ACVR2A: variants seen among roughly 807,000 people sequenced by gnomAD.
The protein encoded by ACVR2A is activin receptor type-2A.
In ACVR2A, 7 loss-of-function variants were observed where a neutral mutation model predicts 61.4. The observed-to-expected ratio is 0.11, with a 90% CI of 0.06 to 0.21. ACVR2A has a LOEUF of 0.21. Ranked by LOEUF, ACVR2A falls within the 10% of genes least tolerant of loss-of-function variation. The pLI is 1.00. For synonymous variants in ACVR2A, 193 were observed against 208.3 expected, an observed-to-expected ratio of 0.93 and a Z score of 0.63; for missense variants, 322 against 621.7, an observed-to-expected ratio of 0.52 and a Z score of 5.13.
chr2:147,895,471 C>G (rs747340396), intron 1 of ACVR2A, among the ~76,000 whole-genome samples: 1 of 152,044 alleles, frequency 6.6e-6, no homozygotes, highest in Non-Finnish European at 1.5e-5. Context: ...AGTGCAATGC[C>G]GTGAACCTTG....
rs910994899 is a variant in ACVR2A, at chr2:147,899,444, CT to C, written c.264-13del. 1.9e-6 allele frequency: 3 copies of C among 1,563,542 alleles called. No homozygotes were observed. Among genetic ancestry groups the C allele is most frequent in the Non-Finnish European group, 2.6e-6 (3 of 1,148,234 alleles). ...AATATTGATTTTAATTATTTTTTCTCTGCTTATTTATAGGACTGATTGTGTA... is the reference window on the plus strand; with the variant it reads ...AATATTGATTTTAATTATTTTTTCTCGCTTATTTATAGGACTGATTGTGTA... On this transcript the variant is annotated splice_polypyrimidine_tract_variant and intron_variant, in intron 2 of 10. Transcript: ENST00000241416.
chr2:147,854,584 C>T (rs1685522599), intron 1 of ACVR2A, among the ~76,000 whole-genome samples: 2 of 152,118 alleles, frequency 1.3e-5, no homozygotes, highest in South Asian at 4.1e-4. Context: ...TGACCTTTGA[C>T]AGCCATTAAG....
intron 1 of ACVR2A, among the ~76,000 whole-genome samples, chr2:147,889,261 CTG>C (rs1459357695): frequency 2.0e-5 from 3 of 151,970 alleles, no homozygotes; most frequent in Non-Finnish European, 4.4e-5. Flanking sequence ...AGATACCGGT[CTG>C]TGTTTTTCTT....
chr2:147,920,137 A>C (rs1052697683), intron 7 of ACVR2A, 93 bp from the exon 8 acceptor site: 2 of 762,662 alleles, frequency 2.6e-6, no homozygotes, highest in East Asian at 5.2e-5. Flanking sequence ...CTATTTTTTC[A>C]TAGTGTACAT....
intron 1 of ACVR2A, among the ~76,000 whole-genome samples, chr2:147,886,582 A>T (rs1391676049): frequency 6.6e-6 from 1 of 152,244 alleles, no homozygotes; most frequent in African/African-American, 2.4e-5. Context: ...TCTTAATCAG[A>T]AAAAAGTGTA....
intron 1 of ACVR2A, 106 bp downstream of exon 1, chr2:147,845,313 A>C: frequency 1.5e-6 from 1 of 673,918 alleles, no homozygotes. Flanking sequence ...GAGCCTGGGG[A>C]GGTTGCCCAC....
chr2:147,922,092 AT>A (rs3835753), intron 8 of ACVR2A, among the ~76,000 whole-genome samples: 58,780 of 151,838 alleles, frequency 0.39, 11,859 homozygotes, highest in South Asian at 0.5. Context: ...TTAGGGAAAC[AT>A]TCACTGATAG....
chr2:147,875,504 G>T (rs1208001506), intron 1 of ACVR2A, among the ~76,000 whole-genome samples: 15 of 151,916 alleles, frequency 9.9e-5, no homozygotes, highest in African/African-American at 3.6e-4. Context: ...TAAAAAAACT[G>T]CTTATTAAAA....
chr2:147,865,260 TC>T (rs1295562360), intron 1 of ACVR2A, among the ~76,000 whole-genome samples: 35 of 152,212 alleles, frequency 2.3e-4, no homozygotes, highest in Admixed American at 2.3e-3. Flanking sequence ...CCTCTCACCG[TC>T]CAGTTTCTTC....
At chr2:147,912,691 T>C (rs1687147772) in intron 4 of ACVR2A, among the ~76,000 whole-genome samples, 2 of 151,968 alleles carry the variant, frequency 1.3e-5, no homozygotes, top group African/African-American at 4.8e-5. Flanking sequence ...TTCATTCTAG[T>C]AATTTTTTAT....
chr2:147,925,641 A>G (rs566272117), intron 9 of ACVR2A: 74 of 158,506 alleles, frequency 4.7e-4, no homozygotes, highest in Non-Finnish European at 8.7e-4. Context: ...TAGAGCCTCC[A>G]GAGCTGGAAG....
chr2:147,915,393 C>A lies in ACVR2A; in HGVS notation c.672+59C>A, dbSNP rs528326113. 1.0e-4 allele frequency: 159 copies of A among 1,593,914 alleles called. No homozygotes were observed. In the African/African-American group the frequency reaches 1.9e-3, roughly 20 times the overall value. ...ATGTTTTATGGCTAGGTCATCATAA[C>A]TCAGAAATAGTCTCAAAACAGAAGC... is the stretch of plus-strand genomic sequence containing the variant. On this transcript the variant is annotated intron_variant, in intron 5 of 10. Coordinates refer to ENST00000241416, the MANE Select transcript of ACVR2A (RefSeq NM_001616.5).
chr2:147,846,511 G>A (rs1558956453), intron 1 of ACVR2A, among the ~76,000 whole-genome samples: 4 of 152,030 alleles, frequency 2.6e-5, no homozygotes, highest in Admixed American at 2.6e-4. Flanking sequence ...ATAAAGTCTA[G>A]TCTTATGTCT....
At chr2:147,875,391 G>A (rs1046028428) in intron 1 of ACVR2A, among the ~76,000 whole-genome samples, 1 of 151,938 alleles carries the variant, frequency 6.6e-6, no homozygotes, top group African/African-American at 2.4e-5. Context: ...CTCTCTTATT[G>A]AGCAGTGTAA....
At chr2:147,862,541 T>C (rs1685752268) in intron 1 of ACVR2A, among the ~76,000 whole-genome samples, 1 of 152,060 alleles carries the variant, frequency 6.6e-6, no homozygotes, top group Non-Finnish European at 1.5e-5. Context: ...GTCAGGAGTT[T>C]GAGACCAGCC....
At chr2:147,906,087 G>T (rs1686983147) in intron 4 of ACVR2A, among the ~76,000 whole-genome samples, 1 of 152,058 alleles carries the variant, frequency 6.6e-6, no homozygotes, top group African/African-American at 2.4e-5. Context: ...TGTGTATTTA[G>T]GAGGAAGTGA....
At chr2:147,854,553 A>G (rs1032733142) in intron 1 of ACVR2A, among the ~76,000 whole-genome samples, 2 of 152,124 alleles carry the variant, frequency 1.3e-5, no homozygotes, top group African/African-American at 4.8e-5. Flanking sequence ...TCAAATTCCT[A>G]CTTTCCTACT....
intron 1 of ACVR2A, among the ~76,000 whole-genome samples, chr2:147,847,066 A>T (rs1196599903): frequency 2.0e-5 from 3 of 151,914 alleles, no homozygotes; most frequent in African/African-American, 7.3e-5. Flanking sequence ...TTCTTGTGGG[A>T]TTATTTTCAT....
At chr2:147,920,371 G>A in intron 8 of ACVR2A, 27 bp downstream of exon 8, 1 of 1,527,982 alleles carries the variant, frequency 6.5e-7, no homozygotes, top group Non-Finnish European at 9.0e-7. Flanking sequence ...TAAAATGTAA[G>A]AAAAAATAAA....
Sources: allele counts gnomAD v4.1 joint callset (sites outside exome capture counted in the v4.1 genomes callset), GRCh38; gene constraint gnomAD v4.1.1; transcripts MANE v1.5; gene names NCBI Gene and HGNC (gene_info 2026-07-23, HGNC 2026-07-21).